RAP2A: variants seen among roughly 807,000 people sequenced by gnomAD.
RAP2A encodes the protein ras-related protein Rap-2a.
Under a neutral mutation model 15.1 loss-of-function variants are expected in RAP2A, and 5 were observed. The ratio of observed to expected loss-of-function variants is 0.33; its 90% CI spans 0.17 to 0.70. The LOEUF (loss-of-function observed/expected upper bound fraction) is 0.70, where lower values mean the gene tolerates loss of function less well. Ranked by LOEUF, RAP2A falls within the 30% of genes least tolerant of loss-of-function variation. The pLI is 0.68. For missense variants in RAP2A, 111 were observed against 240.3 expected (o/e 0.46, Z 3.56); for synonymous variants, 110 against 99.7 (o/e 1.10, Z -0.62).
chr13:97,446,725 AGAG>A lies in RAP2A; in HGVS notation c.314+11949_314+11951del, dbSNP rs1594323954. Among the ~76,000 whole-genome samples, 3 of 152,290 alleles carry A rather than the reference AGAG, an allele frequency of 2.0e-5. No individual in the cohort carries two copies. In the East Asian group the frequency reaches 5.8e-4, roughly 29 times the overall value. On this transcript the variant is annotated intron_variant, in intron 1 of 1. Transcript: ENST00000245304. ...ACGGAGAGGCCCGGAGGCTAGATAG[AGAG>A]GAGGAGGGAGCTCCCTTCCAGCCAT... is the stretch of plus-strand genomic sequence containing the variant.
intron 1 of RAP2A, among the ~76,000 whole-genome samples, chr13:97,452,904 G>A (rs1443345259): frequency 6.6e-6 from 1 of 151,218 alleles, no homozygotes; most frequent in Admixed American, 6.6e-5. Flanking sequence ...TGGTGCTACT[G>A]TAAATGGTTC....
intron 1 of RAP2A, among the ~76,000 whole-genome samples, chr13:97,463,447 A>T (rs137871112): frequency 7.9e-5 from 12 of 152,326 alleles, no homozygotes; most frequent in African/African-American, 2.9e-4. Flanking sequence ...ACACCAATTA[A>T]AGCTAATTGA....
intron 1 of RAP2A, among the ~76,000 whole-genome samples, chr13:97,446,873 C>T (rs981311042): frequency 6.6e-6 from 1 of 152,154 alleles, no homozygotes; most frequent in Non-Finnish European, 1.5e-5. Context: ...AGAAGAACTG[C>T]CCAACTGAGT....
intron 1 of RAP2A, among the ~76,000 whole-genome samples, chr13:97,438,155 T>A (rs1205725996): frequency 6.6e-6 from 1 of 152,176 alleles, no homozygotes. Context: ...TCTGATTTTG[T>A]AATTGCTTTT....
intron 1 of RAP2A, among the ~76,000 whole-genome samples, chr13:97,458,531 A>T (rs574727872): frequency 6.6e-5 from 10 of 152,322 alleles, no homozygotes; most frequent in African/African-American, 2.4e-4. Flanking sequence ...AGTGATTCCT[A>T]AACCCTGCTG....
chr13:97,436,050 C>T (rs2066632810), intron 1 of RAP2A: 1 of 152,304 alleles, frequency 6.6e-6, no homozygotes, highest in Non-Finnish European at 1.5e-5. Context: ...AAGGCTCTCT[C>T]TCTATTGCTC....
At position 97,457,614 on chromosome 13, in the gene RAP2A, T is replaced by C. The variant is rs142446086; in HGVS notation, c.315-6591T>C. ...TACCTAGCCATTAATATGATACATA[T>C]TATTTATTAAAATGGAAAGCTCTGT... On this transcript the variant is annotated intron_variant, in intron 1 of 1. Coordinates refer to ENST00000245304, the MANE Select transcript of RAP2A (RefSeq NM_021033.7). Among the ~76,000 whole-genome samples the C allele has an allele frequency of 8.2e-3, 1,244 of 152,136 alleles. 9 individuals carry two copies. The highest frequency in any genetic ancestry group is 0.026 in the African/African-American group (1,092 of 41,520).
At chr13:97,446,708 G>T (rs1425229387) in intron 1 of RAP2A, among the ~76,000 whole-genome samples, 5 of 152,160 alleles carry the variant, frequency 3.3e-5, no homozygotes, top group African/African-American at 1.2e-4. Context: ...TCACGGAGAG[G>T]CCCGGAGGCT....
intron 1 of RAP2A, among the ~76,000 whole-genome samples, chr13:97,444,088 A>C (rs2153179365): frequency 6.6e-6 from 1 of 152,334 alleles, no homozygotes; most frequent in East Asian, 1.9e-4. Context: ...TATTGAGATG[A>C]ATTATATACC....
intron 1 of RAP2A, among the ~76,000 whole-genome samples, chr13:97,439,831 G>C (rs2066649601): frequency 6.6e-6 from 1 of 152,156 alleles, no homozygotes; most frequent in Non-Finnish European, 1.5e-5. Context: ...TAGGCGAGAA[G>C]GCGTGGGGTG....
At chr13:97,451,664 GTATACTT>G (rs71117646) in intron 1 of RAP2A, among the ~76,000 whole-genome samples, 43,864 of 145,834 alleles carry the variant, frequency 0.3, 8,066 homozygotes, top group Non-Finnish European at 0.4. Context: ...ATGAATATGT[GTATACTT>G]TCTTTTGGTG....
rs942842930 is a variant in RAP2A, at chr13:97,464,206, T to C, written c.316T>C (p.Tyr106His). 2.5e-6 allele frequency: 4 copies of C among 1,613,816 alleles called. No individual in the cohort carries two copies. Among genetic ancestry groups the C allele is most frequent in the Non-Finnish European group, 3.4e-6 (4 of 1,179,884 alleles). The change falls in exon 2 of 2, where the codon TAT (tyrosine) becomes CAT (histidine). Residue 106 changes from tyrosine (Y) to histidine (H), a missense_variant and splice_region_variant. Transcript: ENST00000245304. Reference protein sequence around the residue: ...MRDQIIRVKRYEKVPVILVGN... With the variant: ...MRDQIIRVKRHEKVPVILVGN... Reference sequence around the variant, plus strand: ...TGTGTTTTGTTTATTCTCTCATAGGTATGAGAAAGTGCCAGTCATCTTGGT... The same window carrying C: ...TGTGTTTTGTTTATTCTCTCATAGGCATGAGAAAGTGCCAGTCATCTTGGT...
At chr13:97,441,213 GC>G (rs760357111) in intron 1 of RAP2A, among the ~76,000 whole-genome samples, 2 of 152,048 alleles carry the variant, frequency 1.3e-5, no homozygotes, top group Admixed American at 6.6e-5. Flanking sequence ...AGAATCAGCA[GC>G]CTGTGACCCA....
intron 1 of RAP2A, among the ~76,000 whole-genome samples, chr13:97,438,946 CT>C (rs2066645569): frequency 6.6e-6 from 1 of 152,186 alleles, no homozygotes; most frequent in Admixed American, 6.5e-5. Flanking sequence ...AGGAGATGAT[CT>C]TTTAAAGTTC....
chr13:97,435,368 A>AACAGAGG (rs1431624737), intron 1 of RAP2A, among the ~76,000 whole-genome samples: 1 of 151,976 alleles, frequency 6.6e-6, no homozygotes, highest in Non-Finnish European at 1.5e-5. Context: ...CGAGAATATT[A>AACAGAGG]ACAGAGGAGT....
Position 97,434,467 on chromosome 13 carries a change from G to A in RAP2A, c.-4G>A, listed in dbSNP as rs1318023838. The A allele has an allele frequency of 1.3e-6, 2 of 1,592,128 alleles. No homozygotes were observed. Among genetic ancestry groups the A allele is most frequent in the Non-Finnish European group, 1.7e-6 (2 of 1,167,252 alleles). On this transcript the variant is annotated 5_prime_UTR_variant, in exon 1 of 2. Coordinates refer to ENST00000245304, the MANE Select transcript of RAP2A (RefSeq NM_021033.7). ...GCGGCGGCGGCGGCGGCCGCGGAGG[G>A]ACGATGCGCGAGTACAAAGTGGTGG...
In RAP2A at chr13:97,467,647, A is replaced by G. The variant is rs1323497768; in HGVS notation, c.*3205A>G. ...ACTGGGTAAGCTTTAATTGTCCCTT[A>G]GCCAATCAAACATTAAGGACTATGG... On this transcript the variant is annotated 3_prime_UTR_variant, in exon 2 of 2. Transcript: ENST00000245304. The G allele has an allele frequency of 6.7e-6, 1 of 148,620 alleles. No homozygotes were observed. The highest frequency in any genetic ancestry group is 1.5e-5 in the Non-Finnish European group (1 of 67,452). 9.2% of individuals were successfully genotyped at this position (148,620 alleles called of 1,614,324 possible).
intron 1 of RAP2A, among the ~76,000 whole-genome samples, chr13:97,462,911 G>A (rs74105476): frequency 0.032 from 4,806 of 152,258 alleles, 245 homozygotes; most frequent in African/African-American, 0.11. Context: ...GTATCATAGC[G>A]AACAATAACC....
Position 97,466,772 on chromosome 13 carries a change from A to G in RAP2A, c.*2330A>G, listed in dbSNP as rs1388416214. On this transcript the variant is annotated 3_prime_UTR_variant, in exon 2 of 2. Coordinates refer to ENST00000245304, the MANE Select transcript of RAP2A (RefSeq NM_021033.7). ...ATGACAGGGTGGGCTTTTACTGTCA[A>G]GACATGAATAAGAACTGATCTGGCT... The G allele has an allele frequency of 1.3e-5, 2 of 152,206 alleles. No individual in the cohort carries two copies. The highest frequency in any genetic ancestry group is 2.9e-5 in the Non-Finnish European group (2 of 68,034). 9.4% of individuals were successfully genotyped at this position (152,206 alleles called of 1,614,324 possible).
Sources: allele counts gnomAD v4.1 joint callset (sites outside exome capture counted in the v4.1 genomes callset), GRCh38; gene constraint gnomAD v4.1.1; transcripts MANE v1.5; gene names NCBI Gene and HGNC (gene_info 2026-07-23, HGNC 2026-07-21).